The following ERCC6L2 variants were observed in gnomAD, a reference collection of about 807,000 sequenced individuals.
The protein encoded by ERCC6L2 is DNA excision repair protein ERCC-6-like 2.
Under a neutral mutation model 132.0 loss-of-function variants are expected in ERCC6L2, and 77 were observed. The ratio of observed to expected loss-of-function variants is 0.58; its 90% CI spans 0.49 to 0.71. ERCC6L2 has a LOEUF of 0.71. Ranked by LOEUF, ERCC6L2 falls within the 30% of genes least tolerant of loss-of-function variation. The pLI is 0.00. For missense variants in ERCC6L2, 1,542 were observed against 1,837.6 expected, an observed-to-expected ratio of 0.84 and a Z score of 2.94; for synonymous variants, 583 against 632.4, an observed-to-expected ratio of 0.92 and a Z score of 1.17.
chr9:96,038,255 G>A lies in ERCC6L2; in HGVS notation c.*1504-621G>A, dbSNP rs147705943. Among the ~76,000 whole-genome samples, 196 of 152,330 alleles carry A rather than the reference G, an allele frequency of 1.3e-3. 4 individuals carry two copies. In the East Asian group the frequency reaches 0.026, roughly 20 times the overall value. On this transcript the variant is annotated intron_variant and NMD_transcript_variant, in intron 19 of 20. Transcript: ENST00000670016. ...GGGAGGCAGGAAGGCAGAGCCAGTG[G>A]AAAGGTGAAAGACTGGGAGGAATCT...
At chr9:95,932,338 A>G (rs1225649037) in intron 11 of ERCC6L2, among the ~76,000 whole-genome samples, 2 of 152,174 alleles carry the variant, frequency 1.3e-5, no homozygotes, top group African/African-American at 2.4e-5. Flanking sequence ...TGCTGGGATT[A>G]TAGGTGTGAG....
intron 2 of ERCC6L2, among the ~76,000 whole-genome samples, chr9:95,889,214 G>A (rs1396626956): frequency 1.3e-5 from 2 of 152,098 alleles, no homozygotes; most frequent in Non-Finnish European, 1.5e-5. Flanking sequence ...TAGAGAATTT[G>A]ACAAATGAAG....
chr9:95,990,828 C>T (rs998780598), intron 17 of ERCC6L2, among the ~76,000 whole-genome samples: 3 of 152,200 alleles, frequency 2.0e-5, no homozygotes, highest in African/African-American at 7.2e-5. Flanking sequence ...CCCCTGCCCT[C>T]TTGGCACGTG....
chr9:95,953,971 T>A (rs533835646), intron 12 of ERCC6L2, among the ~76,000 whole-genome samples: 1 of 152,346 alleles, frequency 6.6e-6, no homozygotes, highest in African/African-American at 2.4e-5. Flanking sequence ...GAATAATGGC[T>A]GCACTTATTG....
chr9:95,950,988 T>C (rs1015541438), intron 12 of ERCC6L2, among the ~76,000 whole-genome samples: 1 of 152,176 alleles, frequency 6.6e-6, no homozygotes, highest in African/African-American at 2.4e-5. Context: ...CTAACAGATA[T>C]ATAGAATTTT....
intron 4 of ERCC6L2, among the ~76,000 whole-genome samples, chr9:95,909,200 C>A (rs1829224175): frequency 1.3e-5 from 2 of 151,924 alleles, no homozygotes; most frequent in Non-Finnish European, 2.9e-5. Context: ...TGTAAAGGGC[C>A]AGATAGTAAA....
At chr9:95,963,701 T>C (rs913590061) in intron 13 of ERCC6L2, among the ~76,000 whole-genome samples, 4 of 152,120 alleles carry the variant, frequency 2.6e-5, no homozygotes, top group African/African-American at 9.7e-5. Context: ...TTCAGTTTTC[T>C]TCAGCCTGGA....
At position 95,923,308 on chromosome 9, in the gene ERCC6L2, G is replaced by T; in HGVS notation, c.1462G>T (p.Asp488Tyr). 1 of 1,613,830 alleles carries T rather than the reference G, an allele frequency of 6.2e-7. No individual in the cohort carries two copies. Among genetic ancestry groups the T allele is most frequent in the Non-Finnish European group, 8.5e-7 (1 of 1,179,858 alleles). The change falls in exon 9 of 19, where the codon GAT (aspartate) becomes TAT (tyrosine). Residue 488 changes from aspartate (D) to tyrosine (Y), a missense_variant. Physicochemically the swap from Asp to Tyr is radical, Grantham distance 160. This residue lies in a region of ERCC6L2 where 945 missense variants were observed against 1,105.2 expected (regional missense o/e 0.86). Coordinates refer to ENST00000653738, the MANE Select transcript of ERCC6L2 (RefSeq NM_020207.7). ...TGATCAGGTATTTTCCAGATTCCCA[G>T]ATTTTGTGCAGAAAAGCAAAGATGC... is the stretch of plus-strand genomic sequence containing the variant. ...ICDQVFSRFPDFVQKSKDAAF... is the reference protein window; with the variant it reads ...ICDQVFSRFPYFVQKSKDAAF...
At chr9:95,926,568 T>C (rs1465745578) in intron 9 of ERCC6L2, among the ~76,000 whole-genome samples, 1 of 152,092 alleles carries the variant, frequency 6.6e-6, no homozygotes, top group African/African-American at 2.4e-5. Flanking sequence ...TATAATACTA[T>C]CAAAAGGCAA....
chr9:95,921,359 T>C, intron 7 of ERCC6L2, 44 bp downstream of exon 7: 1 of 1,507,460 alleles, frequency 6.6e-7, no homozygotes, highest in Non-Finnish European at 9.1e-7. Context: ...TTTGATTACA[T>C]AGTACTCTCT....
chr9:95,933,483 T>C (rs763652806), intron 11 of ERCC6L2, among the ~76,000 whole-genome samples: 4 of 152,160 alleles, frequency 2.6e-5, no homozygotes, highest in Non-Finnish European at 4.4e-5. Flanking sequence ...TTAGGAGACC[T>C]TGAACAAATT....
chr9:95,906,088 C>T (rs12345187), intron 3 of ERCC6L2, among the ~76,000 whole-genome samples: 40,827 of 151,864 alleles, frequency 0.27, 6,006 homozygotes, highest in East Asian at 0.4. Flanking sequence ...CAGAGAGTTA[C>T]GTTGGTAATC....
intron 2 of ERCC6L2, among the ~76,000 whole-genome samples, chr9:95,897,594 A>G (rs961544998): frequency 1.3e-5 from 2 of 152,190 alleles, no homozygotes; most frequent in Admixed American, 6.5e-5. Context: ...TGATGGAATT[A>G]AGAAAGAATT....
intron 13 of ERCC6L2, among the ~76,000 whole-genome samples, chr9:95,960,454 A>G (rs1302178693): frequency 1.3e-5 from 2 of 152,134 alleles, no homozygotes; most frequent in Non-Finnish European, 2.9e-5. Context: ...AGATTCGGGG[A>G]TTATCTTGGA....
chr9:95,990,645 T>C (rs1701793917), intron 17 of ERCC6L2, among the ~76,000 whole-genome samples: 1 of 152,098 alleles, frequency 6.6e-6, no homozygotes, highest in Admixed American at 6.5e-5. Context: ...CAAGCAAGTA[T>C]AGGAACAGGA....
rs760711837 is a variant in ERCC6L2, at chr9:95,956,054, T to A, written c.1947+41T>A. 8.0e-6 allele frequency: 10 copies of A among 1,245,674 alleles called. No homozygotes were observed. The Admixed American group carries it at 1.1e-4, about 14-fold the overall frequency. The allele number at this position is 1,245,674 out of a possible 1,614,324, so 77.2% of individuals were successfully genotyped here. On this transcript the variant is annotated intron_variant, in intron 13 of 18. Coordinates refer to ENST00000653738, the MANE Select transcript of ERCC6L2 (RefSeq NM_020207.7). Reference sequence around the variant, plus strand: ...TTTTTCTGTTTCAGAGGTCAACATTTATCTGTTTTCAAAAATTAGGAACAA... The same window carrying A: ...TTTTTCTGTTTCAGAGGTCAACATTAATCTGTTTTCAAAAATTAGGAACAA...
chr9:95,900,254 A>G (rs970112841), intron 3 of ERCC6L2, among the ~76,000 whole-genome samples: 2 of 151,758 alleles, frequency 1.3e-5, no homozygotes, highest in African/African-American at 4.8e-5. Flanking sequence ...CAGGTGTGGT[A>G]GTGTGTGTCT....
rs1834172620 is a variant in ERCC6L2, at chr9:96,015,705, A to G, written c.*2502A>G. Among the ~76,000 whole-genome samples, 1 of 151,424 alleles carries G rather than the reference A, an allele frequency of 6.6e-6. No individual in the cohort carries two copies. Among genetic ancestry groups the G allele is most frequent in the African/African-American group, 2.4e-5 (1 of 41,236 alleles). ...GTAGTCCCAGCTACTCGGGAGGCTGAGGCAGGAGAATGGCGTGAACCTGGG... is the reference window on the plus strand; with the variant it reads ...GTAGTCCCAGCTACTCGGGAGGCTGGGGCAGGAGAATGGCGTGAACCTGGG... On this transcript the variant is annotated 3_prime_UTR_variant, in exon 19 of 19. Transcript: ENST00000653738.
rs767619399 is a variant in ERCC6L2, at chr9:95,916,075, C to T, written c.951-152C>T. 13 of 810,458 alleles carry T rather than the reference C, an allele frequency of 1.6e-5. No individual in the cohort carries two copies. The South Asian group carries it at 2.2e-4, about 14-fold the overall frequency. 50.2% of individuals were successfully genotyped at this position (810,458 alleles called of 1,614,324 possible). On this transcript the variant is annotated intron_variant, in intron 5 of 18. Transcript: ENST00000653738. ...TTCATCCTCATATCATAGTTAGAACCTGAAACTGTCGTAAAGAAAGAACAT... is the reference window on the plus strand; with the variant it reads ...TTCATCCTCATATCATAGTTAGAACTTGAAACTGTCGTAAAGAAAGAACAT...
Sources: allele counts gnomAD v4.1 joint callset (sites outside exome capture counted in the v4.1 genomes callset), GRCh38; gene constraint gnomAD v4.1.1; regional missense constraint gnomAD v4.1.1; transcripts MANE v1.5; gene names NCBI Gene and HGNC (gene_info 2026-07-23, HGNC 2026-07-21).